The following SORCS3 variants were observed in gnomAD, a reference collection of about 807,000 sequenced individuals.
SORCS3 encodes the protein VPS10 domain-containing receptor SorCS3.
Under a neutral mutation model 146.3 loss-of-function variants are expected in SORCS3, and 57 were observed. The ratio of observed to expected loss-of-function variants is 0.39; its 90% confidence interval spans 0.31 to 0.49. The LOEUF is 0.49. Among genes scored for constraint, SORCS3 ranks in the 20% least tolerant of loss-of-function variants. SORCS3 has a pLI of 0.92. For synonymous variants in SORCS3, 653 were observed against 618.5 expected, an observed-to-expected ratio of 1.06 and a Z score of -0.83; for missense variants, 1,341 against 1,575.5, an observed-to-expected ratio of 0.85 and a Z score of 2.52.
Position 105,053,013 on chromosome 10 carries a change from G to T in SORCS3, c.1028+9885G>T, listed in dbSNP as rs143188063. 3.3e-3 allele frequency among the ~76,000 whole-genome samples: 495 copies of T among 152,178 alleles called. 2 individuals carry two copies. The highest frequency in any genetic ancestry group is 0.011 in the African/African-American group (462 of 41,544). On this transcript the variant is annotated intron_variant, in intron 5 of 26. Coordinates refer to ENST00000369701, the MANE Select transcript of SORCS3 (RefSeq NM_014978.3). ...TGGAATCTGGAAGTGTGCGATCAGG[G>T]TGCCAGCATGGTTGGTTTCTGGTGA...
At position 105,071,130 on chromosome 10, in the gene SORCS3, T is replaced by C. The variant is rs79765052; in HGVS notation, c.1029-18645T>C. ...TCTTTCATCCTGTTTCCAGGAATCA[T>C]GTGGTATAATAAAACTGTCATCAGT... is the stretch of plus-strand genomic sequence containing the variant. On this transcript the variant is annotated intron_variant, in intron 5 of 26. Coordinates refer to ENST00000369701, the MANE Select transcript of SORCS3 (RefSeq NM_014978.3). Among the ~76,000 whole-genome samples the C allele has an allele frequency of 6.2e-4, 94 of 151,646 alleles. 1 individual carries two copies. The East Asian group carries it at 0.018, about 29-fold the overall frequency.
intron 5 of SORCS3, among the ~76,000 whole-genome samples, chr10:105,046,637 G>C (rs1177781804): frequency 6.6e-6 from 1 of 152,140 alleles, no homozygotes; most frequent in African/African-American, 2.4e-5. Flanking sequence ...GGGTTAGGCA[G>C]AGCACGGAAC....
intron 5 of SORCS3, among the ~76,000 whole-genome samples, chr10:105,064,295 G>A (rs554703994): frequency 6.6e-6 from 1 of 152,150 alleles, no homozygotes; most frequent in African/African-American, 2.4e-5. Context: ...CTGGAACTCC[G>A]AAAGGCCTTC....
At chr10:104,926,228 T>A (rs923312022) in intron 3 of SORCS3, among the ~76,000 whole-genome samples, 2 of 152,222 alleles carry the variant, frequency 1.3e-5, no homozygotes, top group African/African-American at 4.8e-5. Flanking sequence ...TTCCCCATCT[T>A]CTTCCTTGTC....
Position 105,220,145 on chromosome 10 carries a change from A to G in SORCS3, c.2735-2971A>G, listed in dbSNP as rs137900584. On this transcript the variant is annotated intron_variant, in intron 19 of 26. Transcript: ENST00000369701. ...AGGACTTTTCTCTGTTCCTTCCTGA[A>G]TCTGCTCAGCTCTCATCTCTTCTCA... Among the ~76,000 whole-genome samples, 321 of 152,264 alleles carry G rather than the reference A, an allele frequency of 2.1e-3. 2 individuals carry two copies. Among genetic ancestry groups the G allele is most frequent in the African/African-American group, 7.1e-3 (293 of 41,544 alleles).
intron 16 of SORCS3, among the ~76,000 whole-genome samples, chr10:105,209,757 GA>G (rs1481776788): frequency 1.3e-5 from 2 of 152,152 alleles, no homozygotes; most frequent in African/African-American, 2.4e-5. Context: ...AAAGAGGGTT[GA>G]AAAGGCTGGC....
At chr10:105,047,992 T>C (rs1055409252) in intron 5 of SORCS3, among the ~76,000 whole-genome samples, 3 of 152,078 alleles carry the variant, frequency 2.0e-5, no homozygotes. Flanking sequence ...AGATACCATC[T>C]CACACCAGTT....
chr10:105,251,965 T>C (rs2056901728), intron 22 of SORCS3, among the ~76,000 whole-genome samples: 1 of 152,206 alleles, frequency 6.6e-6, no homozygotes, highest in African/African-American at 2.4e-5. Context: ...TCATAAGTAT[T>C]TTTCTATGTT....
At chr10:104,790,640 C>T (rs2017485896) in intron 1 of SORCS3, among the ~76,000 whole-genome samples, 3 of 152,056 alleles carry the variant, frequency 2.0e-5, no homozygotes, top group African/African-American at 7.3e-5. Context: ...TATTTGTGTC[C>T]ATGTTTTTTT....
rs1473349000 is a variant in SORCS3, at chr10:105,264,968, T to TGTGA, written c.*1595_*1598dup. On this transcript the variant is annotated 3_prime_UTR_variant, in exon 27 of 27. Transcript: ENST00000369701. ...ATTCTTCTTTGTGAGACAGAGAGAATGTGATATAGAGAAATCTGGCTGGCT... is the reference window on the plus strand; with the variant it reads ...ATTCTTCTTTGTGAGACAGAGAGAATGTGAGTGATATAGAGAAATCTGGCTGGCT... 1 of 152,642 alleles carries TGTGA rather than the reference T, an allele frequency of 6.6e-6. No individual in the cohort carries two copies. The highest frequency in any genetic ancestry group is 1.9e-4 in the East Asian group (1 of 5,196). 9.5% of individuals were successfully genotyped at this position (152,642 alleles called of 1,614,324 possible).
intron 4 of SORCS3, among the ~76,000 whole-genome samples, chr10:105,028,109 C>A (rs565550484): frequency 5.9e-5 from 9 of 152,110 alleles, no homozygotes; most frequent in Non-Finnish European, 1.3e-4. Flanking sequence ...TAATGAGACT[C>A]AATTGTGTGT....
At position 105,107,490 on chromosome 10, in the gene SORCS3, C is replaced by T. The variant is rs78816689; in HGVS notation, c.1212+1975C>T. Among the ~76,000 whole-genome samples, 205 of 152,170 alleles carry T rather than the reference C, an allele frequency of 1.3e-3. 3 individuals carry two copies. The East Asian group carries it at 0.019, about 14-fold the overall frequency. ...TGTTCCATAAAGTTTGCTGTAACTC[C>T]GCAGACAGATACACAGATTTTTTTA... On this transcript the variant is annotated intron_variant, in intron 7 of 26. Coordinates refer to ENST00000369701, the MANE Select transcript of SORCS3 (RefSeq NM_014978.3).
At chr10:104,783,127 T>C (rs1589497429) in intron 1 of SORCS3, among the ~76,000 whole-genome samples, 1 of 152,202 alleles carries the variant, frequency 6.6e-6, no homozygotes, top group Non-Finnish European at 1.5e-5. Flanking sequence ...TAATTCCTCT[T>C]ATAAGACAGC....
chr10:105,262,370 C>G lies in SORCS3; in HGVS notation c.3483C>G (p.His1161Gln), dbSNP rs768149623. 6.2e-7 allele frequency: 1 copy of G among 1,613,920 alleles called. No homozygotes were observed. The highest frequency in any genetic ancestry group is 1.7e-5 in the Admixed American group (1 of 60,008). ...PWINIYAQVQ[H>Q]DKEQEMIGSV... ...TTAACATCTATGCTCAAGTCCAACACGACAAGGAGCAGGAGATGATTGGGT... is the reference window on the plus strand; with the variant it reads ...TTAACATCTATGCTCAAGTCCAACAGGACAAGGAGCAGGAGATGATTGGGT... Residue 1161 changes from histidine to glutamine, a missense_variant, in exon 26 of 27, where the codon CAC becomes CAG. His to Gln is a conservative substitution (Grantham distance 24, BLOSUM62 0). Coordinates refer to ENST00000369701, the MANE Select transcript of SORCS3 (RefSeq NM_014978.3).
At position 104,799,257 on chromosome 10, in the gene SORCS3, C is replaced by A. The variant is rs183681370; in HGVS notation, c.628-43535C>A. On this transcript the variant is annotated intron_variant, in intron 1 of 26. Transcript: ENST00000369701. ...GACACATACACACGTATGTTTATTG[C>A]GGCACTATTCACAATAACAAAGACT... Among the ~76,000 whole-genome samples, 4 of 152,022 alleles carry A rather than the reference C, an allele frequency of 2.6e-5. No homozygotes were observed. The South Asian group carries it at 8.3e-4, about 32-fold the overall frequency.
At chr10:104,647,199 T>C (rs2015505692) in intron 1 of SORCS3, among the ~76,000 whole-genome samples, 1 of 152,178 alleles carries the variant, frequency 6.6e-6, no homozygotes, top group Non-Finnish European at 1.5e-5. Context: ...AGGCTATGTA[T>C]GTCCCGGGTC....
intron 4 of SORCS3, among the ~76,000 whole-genome samples, chr10:105,019,895 G>A (rs1226937864): frequency 1.3e-5 from 2 of 152,178 alleles, no homozygotes; most frequent in Non-Finnish European, 1.5e-5. Flanking sequence ...GCTTGTTGCA[G>A]GGGCTCATTT....
chr10:104,841,978 G>C (rs151063258), intron 1 of SORCS3, among the ~76,000 whole-genome samples: 1 of 152,156 alleles, frequency 6.6e-6, no homozygotes, highest in African/African-American at 2.4e-5. Context: ...GCCACTGCCC[G>C]GATGCATGAG....
At position 104,871,808 on chromosome 10, in the gene SORCS3, A is replaced by T. The variant is rs79071205; in HGVS notation, c.695+28949A>T. 7.2e-3 allele frequency among the ~76,000 whole-genome samples: 1,092 copies of T among 152,214 alleles called. 11 individuals carry two copies. Among genetic ancestry groups the T allele is most frequent in the African/African-American group, 0.025 (1,052 of 41,524 alleles). On this transcript the variant is annotated intron_variant, in intron 2 of 26. Transcript: ENST00000369701. Reference sequence around the variant, plus strand: ...CCCTTCCCAGAAACCTGTCGAGGTGAGGGCAGGGAGTTCCTGGGGTGATGG... The same window carrying T: ...CCCTTCCCAGAAACCTGTCGAGGTGTGGGCAGGGAGTTCCTGGGGTGATGG...
Sources: gnomAD v4.1 joint callset for allele counts (sites outside exome capture counted in the v4.1 genomes callset) on GRCh38, gnomAD v4.1.1 for gene constraint, MANE v1.5 for transcripts, NCBI Gene and HGNC (gene_info 2026-07-23, HGNC 2026-07-21) for gene names.